The following DAAM1 variants were observed in gnomAD, a reference collection of about 807,000 sequenced individuals.
The protein encoded by DAAM1 is dishevelled associated activator of morphogenesis 1, also known as disheveled-associated activator of morphogenesis 1.
DAAM1 carries 52 observed loss-of-function variants against 130.0 expected under a neutral mutation model. The ratio of observed to expected loss-of-function variants is 0.40; its 90% CI spans 0.32 to 0.50. The LOEUF (loss-of-function observed/expected upper bound fraction) is 0.50, where lower values mean the gene tolerates loss of function less well. Among genes scored for constraint, DAAM1 ranks in the 20% least tolerant of loss-of-function variants. DAAM1 has a pLI of 0.61. For missense variants in DAAM1, 1,134 were observed against 1,303.8 expected (o/e 0.87, Z 2.01); for synonymous variants, 452 against 444.5 (o/e 1.02, Z -0.21).
intron 16 of DAAM1, among the ~76,000 whole-genome samples, chr14:59,345,836 C>T (rs1183256307): frequency 1.3e-5 from 2 of 152,164 alleles, no homozygotes; most frequent in African/African-American, 4.8e-5. Context: ...CTTAGTACTC[C>T]CAGGCCTCAT....
At chr14:59,353,313 C>T (rs1156681806) in intron 18 of DAAM1, among the ~76,000 whole-genome samples, 1 of 152,134 alleles carries the variant, frequency 6.6e-6, no homozygotes, top group Non-Finnish European at 1.5e-5. Context: ...ACAGTTTTCT[C>T]CTTTAGGGGT....
chr14:59,235,929 A>G (rs1889282001), intron 1 of DAAM1, among the ~76,000 whole-genome samples: 1 of 152,180 alleles, frequency 6.6e-6, no homozygotes, highest in Non-Finnish European at 1.5e-5. Context: ...GAGCGGAGAC[A>G]GACCTCACTT....
At chr14:59,291,072 C>T in intron 2 of DAAM1, 145 bp from the exon 3 acceptor site, 1 of 682,714 alleles carries the variant, frequency 1.5e-6, no homozygotes, top group South Asian at 2.0e-5. Flanking sequence ...GAAAAACATA[C>T]CTAACTTAGC....
chr14:59,349,020 C>G (rs903034356), intron 17 of DAAM1, among the ~76,000 whole-genome samples: 1 of 152,218 alleles, frequency 6.6e-6, no homozygotes, highest in Non-Finnish European at 1.5e-5. Context: ...AAAGTATCTC[C>G]TGAACCCAAA....
At chr14:59,202,453 A>G (rs1053797827) in intron 1 of DAAM1, among the ~76,000 whole-genome samples, 16 of 152,346 alleles carry the variant, frequency 1.1e-4, no homozygotes, top group Admixed American at 9.8e-4. Context: ...TATACTTGGC[A>G]TTTTATGGAC....
At position 59,326,013 on chromosome 14, in the gene DAAM1, G is replaced by A. The variant is rs1438376484; in HGVS notation, c.1110G>A (p.Arg370=). The A allele has an allele frequency of 1.9e-6, 3 of 1,614,064 alleles. No homozygotes were observed. Among genetic ancestry groups the A allele is most frequent in the Admixed American group, 3.3e-5 (2 of 60,012 alleles). The part of the protein sequence containing the change: ...ATQMFELTRK[R]LTHSEAYPHF... Reference sequence around the variant, plus strand: ...AGATGTTTGAGCTGACCAGGAAGAGGCTGACACATAGTGAAGCTTACCCGC... The same window carrying A: ...AGATGTTTGAGCTGACCAGGAAGAGACTGACACATAGTGAAGCTTACCCGC... Residue 370 remains arginine (R), a synonymous_variant, in exon 10 of 25, where the codon AGG becomes AGA. Coordinates refer to ENST00000360909, the MANE Select transcript of DAAM1 (RefSeq NM_001270520.2).
intron 1 of DAAM1, among the ~76,000 whole-genome samples, chr14:59,206,514 A>C (rs1369717901): frequency 6.6e-6 from 1 of 152,178 alleles, no homozygotes; most frequent in Non-Finnish European, 1.5e-5. Flanking sequence ...TAACCTCGTA[A>C]TCTGCCTGCT....
At chr14:59,227,615 C>T (rs1016059538) in intron 1 of DAAM1, among the ~76,000 whole-genome samples, 2 of 152,188 alleles carry the variant, frequency 1.3e-5, no homozygotes, top group African/African-American at 4.8e-5. Flanking sequence ...CTCATTATCT[C>T]GATTATGTGT....
At chr14:59,291,714 C>G (rs1250621597) in intron 3 of DAAM1, among the ~76,000 whole-genome samples, 1 of 152,096 alleles carries the variant, frequency 6.6e-6, no homozygotes, top group East Asian at 1.9e-4. Flanking sequence ...TCCCATGCAC[C>G]AAGGTGACTC....
chr14:59,195,881 T>C (rs921657365), intron 1 of DAAM1, among the ~76,000 whole-genome samples: 5 of 144,676 alleles, frequency 3.5e-5, no homozygotes, highest in African/African-American at 1.3e-4. Flanking sequence ...ATTTTTTCTG[T>C]ATCTTTTTTT....
chr14:59,260,140 C>T (rs906386990), intron 1 of DAAM1, among the ~76,000 whole-genome samples: 3 of 152,148 alleles, frequency 2.0e-5, no homozygotes, highest in Non-Finnish European at 4.4e-5. Context: ...AACAACTAGT[C>T]CTTTACCACA....
chr14:59,285,985 C>T (rs1883434928), intron 2 of DAAM1, among the ~76,000 whole-genome samples: 2 of 152,118 alleles, frequency 1.3e-5, no homozygotes, highest in Non-Finnish European at 2.9e-5. Flanking sequence ...GCTCATCTCA[C>T]ATGGCACATA....
chr14:59,341,091 G>A (rs1047684586), intron 16 of DAAM1, among the ~76,000 whole-genome samples: 5 of 152,160 alleles, frequency 3.3e-5, no homozygotes, highest in Admixed American at 1.3e-4. Context: ...AAGAGCTAGT[G>A]CTTGGTTTTC....
intron 10 of DAAM1, 118 bp downstream of exon 10, chr14:59,326,195 GT>G: frequency 1.0e-6 from 1 of 974,590 alleles, no homozygotes; most frequent in Non-Finnish European, 1.6e-6. Context: ...CCAAGCCTTG[GT>G]TTTATGACAG....
At chr14:59,330,313 G>A (rs533411668) in intron 12 of DAAM1, among the ~76,000 whole-genome samples, 188 bp from the exon 13 acceptor site, 5 of 152,114 alleles carry the variant, frequency 3.3e-5, no homozygotes, top group East Asian at 1.9e-4. Flanking sequence ...TTGTTCATCC[G>A]AAGCCCACTC....
At chr14:59,250,342 C>T (rs1881580431) in intron 1 of DAAM1, among the ~76,000 whole-genome samples, 1 of 152,200 alleles carries the variant, frequency 6.6e-6, no homozygotes, top group African/African-American at 2.4e-5. Context: ...TCTAACATTA[C>T]ATTGAAGTTT....
chr14:59,267,586 T>C (rs1200833937), intron 2 of DAAM1, among the ~76,000 whole-genome samples: 1 of 152,210 alleles, frequency 6.6e-6, no homozygotes, highest in Admixed American at 6.5e-5. Flanking sequence ...TTTAGTATAT[T>C]AATAGAATTG....
intron 16 of DAAM1, among the ~76,000 whole-genome samples, chr14:59,341,732 C>G (rs183210043): frequency 2.6e-5 from 4 of 152,206 alleles, no homozygotes; most frequent in African/African-American, 7.2e-5. Context: ...GTTTTGTTAC[C>G]TTTTTATAAG....
In DAAM1 at chr14:59,327,402, C is replaced by CTTTTTTTTTTTTTTTTTTTTTTTTTTTTT. The variant is rs386381493; in HGVS notation, c.1372+435_1372+436insTTTTTTTTTTTTTTTTTTTTTTTTTTTTT. Among the ~76,000 whole-genome samples the CTTTTTTTTTTTTTTTTTTTTTTTTTTTTT allele has an allele frequency of 7.5e-4, 44 of 58,988 alleles. 9 individuals are homozygous for CTTTTTTTTTTTTTTTTTTTTTTTTTTTTT. Among genetic ancestry groups the CTTTTTTTTTTTTTTTTTTTTTTTTTTTTT allele is most frequent in the Non-Finnish European group, 9.7e-4 (33 of 34,000 alleles). 38.7% of individuals were successfully genotyped at this position (58,988 alleles called of 152,430 possible). A position where few individuals can be genotyped will look rare whatever the true frequency, so the allele number is the denominator to read the frequency against. ...AAGAGAAGAACAGGTCACTTGGTTT[C>CTTTTTTTTTTTTTTTTTTTTTTTTTTTTT]TTTTTTTTTTTTTTTTTTTTTTTTG... On this transcript the variant is annotated intron_variant, in intron 12 of 24. Transcript: ENST00000360909.
Sources: gnomAD v4.1 joint callset for allele counts (sites outside exome capture counted in the v4.1 genomes callset) on GRCh38, gnomAD v4.1.1 for gene constraint, MANE v1.5 for transcripts, NCBI Gene and HGNC (gene_info 2026-07-23, HGNC 2026-07-21) for gene names.